CYP4F22: variants seen among roughly 807,000 people sequenced by gnomAD.
The protein encoded by CYP4F22 is ultra-long-chain fatty acid omega-hydroxylase.
CYP4F22 carries 37 observed loss-of-function variants against 60.4 expected under a neutral mutation model. The observed-to-expected ratio is 0.61, with a 90% CI of 0.47 to 0.81. The LOEUF is 0.81. CYP4F22 is among the 30% of genes least tolerant of loss of function. CYP4F22 has a pLI of 0.00. For missense variants in CYP4F22, 655 were observed against 715.0 expected (o/e 0.92, Z 0.96); for synonymous variants, 258 against 280.5 (o/e 0.92, Z 0.80).
At chr19:15,514,983 G>A (rs777030399) in intron 1 of CYP4F22, among the ~76,000 whole-genome samples, 3 of 152,200 alleles carry the variant, frequency 2.0e-5, no homozygotes, top group African/African-American at 4.8e-5. Context: ...TTGAGAAGGG[G>A]TCATGCTTTC....
At chr19:15,518,362 C>A (rs576584127) in intron 1 of CYP4F22, among the ~76,000 whole-genome samples, 2 of 151,392 alleles carry the variant, frequency 1.3e-5, no homozygotes, top group African/African-American at 4.9e-5. Flanking sequence ...GATAAAAGGC[C>A]GGGCACGGTG....
At chr19:15,511,189 C>T (rs1055535634) in intron 1 of CYP4F22, among the ~76,000 whole-genome samples, 1 of 151,448 alleles carries the variant, frequency 6.6e-6, no homozygotes, top group Non-Finnish European at 1.5e-5. Flanking sequence ...TGGTCTCGAA[C>T]TCCCGACCTC....
chr19:15,537,434 G>T lies in CYP4F22; in HGVS notation c.421+20G>T, dbSNP rs1330492741. The stretch of plus-strand genomic sequence containing the variant: ...GGCTAGGTGAGTGCCCAGTGGGTAG[G>T]CTGGGGCTGGGGCTTTAGAGAAGAG... On this transcript the variant is annotated intron_variant, in intron 5 of 13. Transcript: ENST00000269703. 4 of 1,614,072 alleles carry T rather than the reference G, an allele frequency of 2.5e-6. No individual in the cohort carries two copies. Among genetic ancestry groups the T allele is most frequent in the Non-Finnish European group, 3.4e-6 (4 of 1,180,046 alleles).
chr19:15,545,253 G>A (rs1296573171), intron 10 of CYP4F22, among the ~76,000 whole-genome samples: 3 of 152,176 alleles, frequency 2.0e-5, no homozygotes, highest in South Asian at 2.1e-4. Context: ...AAGGGTACAG[G>A]TATATAATTC....
intron 1 of CYP4F22, among the ~76,000 whole-genome samples, chr19:15,509,736 C>T (rs1161087730): frequency 6.6e-6 from 1 of 152,046 alleles, no homozygotes; most frequent in Non-Finnish European, 1.5e-5. Context: ...CCAAATGGCC[C>T]AGCTTGGGTT....
Position 15,515,650 on chromosome 19 carries a change from C to T in CYP4F22, c.-109+7067C>T, listed in dbSNP as rs555610825. Among the ~76,000 whole-genome samples, 316 of 152,022 alleles carry T rather than the reference C, an allele frequency of 2.1e-3. 3 individuals are homozygous for T. The highest frequency in any genetic ancestry group is 2.9e-3 in the Non-Finnish European group (195 of 67,964). ...CTGAGGCAGGAGAATTGCTGGAACC[C>T]GGGAGGCAAAGGCTGCAGTGAGCTG... On this transcript the variant is annotated intron_variant, in intron 1 of 13. Coordinates refer to ENST00000269703, the MANE Select transcript of CYP4F22 (RefSeq NM_173483.4).
Position 15,540,683 on chromosome 19 carries a change from C to A in CYP4F22, c.905C>A (p.Thr302Asn), listed in dbSNP as rs760569680. 1 of 1,613,548 alleles carries A rather than the reference C, an allele frequency of 6.2e-7. No homozygotes were observed. Among genetic ancestry groups the A allele is most frequent in the Non-Finnish European group, 8.5e-7 (1 of 1,179,894 alleles). Residue 302 changes from threonine (T) to asparagine (N), a missense_variant, in exon 8 of 14, where the codon ACC becomes AAC. This residue lies in a region of CYP4F22 where 430 missense variants were observed against 457.1 expected (regional missense o/e 0.94). Transcript: ENST00000269703. ...EAWLKAKQGK[T>N]LDFIDVLLLA... The stretch of plus-strand genomic sequence containing the variant: ...TGGCTTAAGGCCAAGCAGGGGAAGA[C>A]CTTGGACTTTATTGATGTGCTGCTC...
At chr19:15,538,228 AAT>A (rs1272196328) in intron 7 of CYP4F22, among the ~76,000 whole-genome samples, 1 of 152,140 alleles carries the variant, frequency 6.6e-6, no homozygotes, top group Non-Finnish European at 1.5e-5. Flanking sequence ...TAAATGAGAT[AAT>A]GTGAATCAAT....
intron 1 of CYP4F22, among the ~76,000 whole-genome samples, chr19:15,522,490 C>T (rs928984627): frequency 6.6e-6 from 1 of 151,858 alleles, no homozygotes; most frequent in African/African-American, 2.4e-5. Flanking sequence ...GCCTGGGTAA[C>T]GTCATGAGAC....
At chr19:15,545,147 T>C (rs561432794) in intron 10 of CYP4F22, among the ~76,000 whole-genome samples, 3 of 148,728 alleles carry the variant, frequency 2.0e-5, no homozygotes, top group South Asian at 2.1e-4. Flanking sequence ...GAAGATTGCA[T>C]TGGCTAAAAC....
chr19:15,545,454 C>G (rs1284152550), intron 10 of CYP4F22, among the ~76,000 whole-genome samples: 6 of 151,706 alleles, frequency 4.0e-5, no homozygotes, highest in Admixed American at 3.9e-4. Context: ...TTGAGACCAG[C>G]CTGGGCAACA....
Position 15,544,226 on chromosome 19 carries a change from C to T in CYP4F22, c.1083C>T (p.Cys361=), listed in dbSNP as rs780834713. ...AGTATCCGGAATACCAGGAGAAATG[C>T]CGAGAAGAGATTCAGGAAGTCATGA... ...LAKYPEYQEK[C]REEIQEVMKG... Residue 361 remains cysteine, a synonymous_variant, in exon 10 of 14, where the codon TGC becomes TGT. Transcript: ENST00000269703. 1.1e-5 allele frequency: 17 copies of T among 1,613,910 alleles called. No homozygotes were observed. Among genetic ancestry groups the T allele is most frequent in the Non-Finnish European group, 1.4e-5 (17 of 1,180,032 alleles).
At chr19:15,509,734 C>A (rs985256290) in intron 1 of CYP4F22, among the ~76,000 whole-genome samples, 1 of 152,104 alleles carries the variant, frequency 6.6e-6, no homozygotes, top group Non-Finnish European at 1.5e-5. Flanking sequence ...CACCAAATGG[C>A]CCAGCTTGGG....
intron 1 of CYP4F22, among the ~76,000 whole-genome samples, chr19:15,510,120 T>A (rs1364738596): frequency 1.3e-5 from 2 of 151,896 alleles, no homozygotes; most frequent in South Asian, 2.1e-4. Flanking sequence ...TATGGAGGAC[T>A]ACAGGCATGC....
chr19:15,531,640 G>C (rs1034923877), intron 4 of CYP4F22, among the ~76,000 whole-genome samples: 3 of 152,194 alleles, frequency 2.0e-5, no homozygotes, highest in African/African-American at 7.2e-5. Flanking sequence ...ACTCTTCTGA[G>C]GGATGAATAC....
intron 3 of CYP4F22, among the ~76,000 whole-genome samples, chr19:15,526,738 A>G (rs1424705427): frequency 6.7e-6 from 1 of 148,628 alleles, no homozygotes; most frequent in Non-Finnish European, 1.5e-5. Context: ...GAGATAGGCT[A>G]GACTTTTCCT....
chr19:15,515,107 A>G (rs1971138054), intron 1 of CYP4F22, among the ~76,000 whole-genome samples: 1 of 152,180 alleles, frequency 6.6e-6, no homozygotes, highest in African/African-American at 2.4e-5. Flanking sequence ...CCCCAAAGGC[A>G]GCTGGTATTG....
In CYP4F22 at chr19:15,548,660, A is replaced by G. The variant is rs78248954; in HGVS notation, c.1270+419A>G. On this transcript the variant is annotated intron_variant, in intron 11 of 13. Coordinates refer to ENST00000269703, the MANE Select transcript of CYP4F22 (RefSeq NM_173483.4). ...AATCAGGAATGGGCTAAAGGGAGAGACAGGGGCTGGAGTAGCTCCAATATG... is the reference window on the plus strand; with the variant it reads ...AATCAGGAATGGGCTAAAGGGAGAGGCAGGGGCTGGAGTAGCTCCAATATG... 5.6e-3 allele frequency among the ~76,000 whole-genome samples: 845 copies of G among 152,212 alleles called. 10 individuals are homozygous for G. The highest frequency in any genetic ancestry group is 0.02 in the African/African-American group (819 of 41,524).
chr19:15,549,170 C>CA lies in CYP4F22; in HGVS notation c.1304dup (p.His435GlnfsTer9). On this transcript the variant is annotated frameshift_variant, in exon 12 of 14. Coordinates refer to ENST00000269703, the MANE Select transcript of CYP4F22 (RefSeq NM_173483.4). LOFTEE classifies it high-confidence loss of function. ...CTGCTTGGTCAGCATCTATGGAACC[C>CA]ACCACAACCCCACAGTGTGGCCTGA... 1.2e-6 allele frequency: 2 copies of CA among 1,614,024 alleles called. No individual in the cohort carries two copies. The highest frequency in any genetic ancestry group is 1.7e-6 in the Non-Finnish European group (2 of 1,180,006).
Sources: gnomAD v4.1 joint callset for allele counts (sites outside exome capture counted in the v4.1 genomes callset) on GRCh38, gnomAD v4.1.1 for gene constraint, gnomAD v4.1.1 regional missense constraint, MANE v1.5 for transcripts, NCBI Gene and HGNC (gene_info 2026-07-23, HGNC 2026-07-21) for gene names.